Variants in DDB2 observed in about 807,000 individuals in gnomAD.
The protein encoded by DDB2 is damage specific DNA binding protein 2.
DDB2 carries 27 observed loss-of-function variants against 50.5 expected under a neutral mutation model. The observed-to-expected ratio is 0.53, with a 90% CI of 0.39 to 0.74. The LOEUF (loss-of-function observed/expected upper bound fraction) is 0.74. Ranked by LOEUF, DDB2 falls within the 30% of genes least tolerant of loss-of-function variation. DDB2 has a pLI of 0.00. For missense variants in DDB2, 424 were observed against 545.6 expected (o/e 0.78, Z 2.22); for synonymous variants, 176 against 205.5 (o/e 0.86, Z 1.23).
chr11:47,235,204 G>A, intron 6 of DDB2, 66 bp from the exon 7 acceptor site: 1 of 1,596,288 alleles, frequency 6.3e-7, no homozygotes. Flanking sequence ...GCAGGAGAAG[G>A]CCTGCAAGGC....
intron 7 of DDB2, 170 bp downstream of exon 7, chr11:47,235,582 A>T: frequency 3.0e-6 from 2 of 677,076 alleles, no homozygotes. Flanking sequence ...CTTTTATCCC[A>T]CTTCTGCCAT....
chr11:47,234,491 GGTTA>G lies in DDB2; in HGVS notation c.603-79_603-76del. The stretch of plus-strand genomic sequence containing the variant: ...AAATATTTATTGAATGCCCGCTGTG[GGTTA>G]GTCACCGGAGCGGCAACAGTGAGTA... On this transcript the variant is annotated intron_variant, in intron 4 of 9. Transcript: ENST00000256996. 9.5e-6 allele frequency: 10 copies of G among 1,054,330 alleles called. No homozygotes were observed. The South Asian group carries it at 1.3e-4, about 13-fold the overall frequency. 65.3% of individuals were successfully genotyped at this position (1,054,330 alleles called of 1,614,324 possible).
chr11:47,218,669 G>A (rs1953435094), intron 3 of DDB2, among the ~76,000 whole-genome samples: 1 of 151,894 alleles, frequency 6.6e-6, no homozygotes. Flanking sequence ...GACATTGGAG[G>A]GCTGTGCTGT....
At chr11:47,216,152 G>T in intron 1 of DDB2, 184 bp from the exon 2 acceptor site, 1 of 893,128 alleles carries the variant, frequency 1.1e-6, no homozygotes, top group Admixed American at 1.7e-5. Context: ...TGGGGAAGGG[G>T]CCAAATCCTC....
intron 7 of DDB2, among the ~76,000 whole-genome samples, chr11:47,237,222 T>C (rs1953737382): frequency 6.6e-6 from 1 of 152,168 alleles, no homozygotes; most frequent in African/African-American, 2.4e-5. Flanking sequence ...GGTCAGTATC[T>C]GGGTCAGGCT....
At position 47,234,840 on chromosome 11, in the gene DDB2, C is replaced by A. The variant is rs200094631; in HGVS notation, c.786C>A (p.Ser262=). ...PCCDWFLATA[S]VDQTVKIWDL... ...GTGATTGGTTCCTGGCCACAGCCTC[C>A]GTAGATCAAACAGTGAAAATTTGGG... The change falls in exon 6 of 10, where the codon TCC becomes TCA. Residue 262 remains serine (S), a synonymous_variant. Transcript: ENST00000256996. 1 of 1,614,146 alleles carries A rather than the reference C, an allele frequency of 6.2e-7. No individual in the cohort carries two copies. The highest frequency in any genetic ancestry group is 8.5e-7 in the Non-Finnish European group (1 of 1,180,012).
chr11:47,236,025 TG>T (rs1035102648), intron 7 of DDB2: 1 of 146,066 alleles, frequency 6.8e-6, no homozygotes, highest in Non-Finnish European at 1.5e-5. Context: ...CTCAACCTCC[TG>T]GGTTCAAGCA....
chr11:47,231,852 T>A (rs1039897189), intron 3 of DDB2, among the ~76,000 whole-genome samples: 7 of 152,112 alleles, frequency 4.6e-5, no homozygotes, highest in Admixed American at 4.6e-4. Context: ...GGAGAACAGA[T>A]CAGCCAGGGG....
At chr11:47,219,519 C>T (rs1953451980) in intron 3 of DDB2, among the ~76,000 whole-genome samples, 1 of 152,068 alleles carries the variant, frequency 6.6e-6, no homozygotes. Flanking sequence ...CACCACCATG[C>T]CTGGCTAATT....
chr11:47,234,973 C>A lies in DDB2; in HGVS notation c.880+39C>A, dbSNP rs79715620. On this transcript the variant is annotated intron_variant, in intron 6 of 9. Coordinates refer to ENST00000256996, the MANE Select transcript of DDB2 (RefSeq NM_000107.3). The stretch of plus-strand genomic sequence containing the variant: ...GACCTCATCTCTCCTGCAGACCCTG[C>A]CTGTCTGACCACTGCTGGGGTTTTC... The A allele has an allele frequency of 9.3e-6, 15 of 1,607,058 alleles. No homozygotes were observed. In the East Asian group the frequency reaches 2.9e-4, roughly 31 times the overall value.
At chr11:47,227,220 C>A (rs1329451221) in intron 3 of DDB2, among the ~76,000 whole-genome samples, 1 of 142,258 alleles carries the variant, frequency 7.0e-6, no homozygotes, top group Non-Finnish European at 1.5e-5. Context: ...AATTCTCCTG[C>A]TTCAGCCTCC....
chr11:47,229,748 A>G (rs1400859404), intron 3 of DDB2: 1 of 401,538 alleles, frequency 2.5e-6, no homozygotes, highest in East Asian at 7.6e-5. Context: ...CTGATTGCAG[A>G]TTCCTTTTAC....
intron 3 of DDB2, among the ~76,000 whole-genome samples, chr11:47,218,541 G>A (rs1953433350): frequency 6.6e-6 from 1 of 152,190 alleles, no homozygotes; most frequent in African/African-American, 2.4e-5. Flanking sequence ...GTGTGACTGG[G>A]TGAGGTTTGG....
upstream of DDB2, chr11:47,214,954 TG>T: frequency 1.2e-6 from 1 of 812,108 alleles, no homozygotes; most frequent in Non-Finnish European, 1.9e-6. Context: ...CCGAGACGGG[TG>T]GGGCCGGAGC....
At position 47,216,048 on chromosome 11, in the gene DDB2, A is replaced by T; in HGVS notation, c.128-288A>T. ...CAAACTGGGAAGAGTTCTGCATTGT[A>T]CTTTATCCTTGTGTGTTTCTTTGGC... is the stretch of plus-strand genomic sequence containing the variant. On this transcript the variant is annotated intron_variant, in intron 1 of 9. Transcript: ENST00000256996. 7.7e-6 allele frequency: 4 copies of T among 516,566 alleles called. No individual in the cohort carries two copies. In the South Asian group the frequency reaches 7.9e-5, roughly 10 times the overall value. The allele number at this position is 516,566 out of a possible 1,614,324, so 32.0% of individuals were successfully genotyped here. A position where few individuals can be genotyped will look rare whatever the true frequency, so the allele number is the denominator to read the frequency against.
At chr11:47,222,654 C>T (rs926566261) in intron 3 of DDB2, among the ~76,000 whole-genome samples, 1 of 152,198 alleles carries the variant, frequency 6.6e-6, no homozygotes, top group Non-Finnish European at 1.5e-5. Flanking sequence ...CCACATTGTA[C>T]TGATATGATA....
intron 7 of DDB2, among the ~76,000 whole-genome samples, chr11:47,236,609 TCTAA>T (rs1451741411): frequency 3.3e-5 from 5 of 152,246 alleles, no homozygotes; most frequent in African/African-American, 1.2e-4. Flanking sequence ...AATACTAGTC[TCTAA>T]CTGATAGGGT....
intron 3 of DDB2, among the ~76,000 whole-genome samples, chr11:47,232,061 A>C (rs1215873194): frequency 6.6e-6 from 1 of 152,088 alleles, no homozygotes; most frequent in Non-Finnish European, 1.5e-5. Flanking sequence ...AAATGAAGGG[A>C]GGCGGGGCAC....
At chr11:47,219,770 G>A (rs772747534) in intron 3 of DDB2, among the ~76,000 whole-genome samples, 1 of 151,810 alleles carries the variant, frequency 6.6e-6, no homozygotes, top group Non-Finnish European at 1.5e-5. Flanking sequence ...GAACCCAGGA[G>A]GAGGTCTCTT....
Sources: allele counts gnomAD v4.1 joint callset (sites outside exome capture counted in the v4.1 genomes callset), GRCh38; gene constraint gnomAD v4.1.1; transcripts MANE v1.5; gene names NCBI Gene and HGNC (gene_info 2026-07-23, HGNC 2026-07-21).